The following LEKR1 variants were observed in gnomAD, a reference collection of about 807,000 sequenced individuals.
The protein encoded by LEKR1 is protein LEKR1.
Under a neutral mutation model 72.4 loss-of-function variants are expected in LEKR1, and 59 were observed. The observed-to-expected ratio is 0.82, with a 90% CI of 0.66 to 1.01. The LOEUF is 1.01. LEKR1 is among the 50% of genes least tolerant of loss of function. The pLI is 0.00. For missense variants in LEKR1, 728 were observed against 759.2 expected, an observed-to-expected ratio of 0.96 and a Z score of 0.48; for synonymous variants, 257 against 263.2, an observed-to-expected ratio of 0.98 and a Z score of 0.23.
intron 3 of LEKR1, among the ~76,000 whole-genome samples, chr3:156,879,036 A>G (rs1365056169): frequency 6.6e-6 from 1 of 152,204 alleles, no homozygotes; most frequent in East Asian, 1.9e-4. Flanking sequence ...AAATGGACTA[A>G]TACAGTAAAT....
At chr3:156,938,974 G>C (rs1725964562) in intron 5 of LEKR1, among the ~76,000 whole-genome samples, 1 of 152,184 alleles carries the variant, frequency 6.6e-6, no homozygotes, top group South Asian at 2.1e-4. Flanking sequence ...ACTTGCGTTA[G>C]CTAGTGAATT....
At chr3:157,045,042 A>T (rs1394369402) in intron 12 of LEKR1, among the ~76,000 whole-genome samples, 2 of 152,158 alleles carry the variant, frequency 1.3e-5, no homozygotes, top group Non-Finnish European at 2.9e-5. Flanking sequence ...CTGAGTTCTA[A>T]CTCCAGCCGC....
At chr3:157,026,774 T>C (rs966771791) in intron 11 of LEKR1, among the ~76,000 whole-genome samples, 5 of 152,202 alleles carry the variant, frequency 3.3e-5, no homozygotes, top group Non-Finnish European at 5.9e-5. Flanking sequence ...ATTTATAACA[T>C]GACAATAATT....
chr3:156,910,661 G>A (rs914300301), intron 3 of LEKR1, among the ~76,000 whole-genome samples: 1 of 152,120 alleles, frequency 6.6e-6, no homozygotes, highest in Non-Finnish European at 1.5e-5. Context: ...TGCTGCAAAG[G>A]ACATGACTTC....
chr3:156,982,130 A>G (rs1730254056), intron 7 of LEKR1, among the ~76,000 whole-genome samples: 1 of 152,228 alleles, frequency 6.6e-6, no homozygotes, highest in Non-Finnish European at 1.5e-5. Context: ...GAACGTTGTT[A>G]TGTATTTAAA....
At chr3:156,944,528 AC>A (rs1726513302) in intron 6 of LEKR1, among the ~76,000 whole-genome samples, 2 of 151,644 alleles carry the variant, frequency 1.3e-5, no homozygotes, top group African/African-American at 2.4e-5. Context: ...ATATATTTGT[AC>A]CCATTAACCA....
chr3:156,889,882 G>A (rs898422219), intron 3 of LEKR1, among the ~76,000 whole-genome samples: 2 of 152,184 alleles, frequency 1.3e-5, no homozygotes, highest in African/African-American at 4.8e-5. Flanking sequence ...AAAAATCAGA[G>A]CAAAGGATAG....
chr3:157,028,290 A>G lies in LEKR1; in HGVS notation c.1556A>G (p.Asp519Gly). 3 of 1,613,422 alleles carry G rather than the reference A, an allele frequency of 1.9e-6. No homozygotes were observed. The highest frequency in any genetic ancestry group is 2.5e-6 in the Non-Finnish European group (3 of 1,179,554). The change falls in exon 12 of 13, where the codon GAT (aspartate) becomes GGT (glycine). Residue 519 changes from aspartate (D) to glycine (G), a missense_variant. By Grantham distance (94) the Asp-to-Gly change is moderately conservative. Coordinates refer to ENST00000356539, the MANE Select transcript of LEKR1 (RefSeq NM_001004316.3). ...TTGAAGAAGGAAATTGACAGTAATGATTCAGTTTCAGAAAACTTGAGGAAG... is the reference window on the plus strand; with the variant it reads ...TTGAAGAAGGAAATTGACAGTAATGGTTCAGTTTCAGAAAACTTGAGGAAG... ...SRLKKEIDSN[D>G]SVSENLRKEM...
At chr3:156,927,828 G>A (rs1177900935) in intron 5 of LEKR1, among the ~76,000 whole-genome samples, 6 of 151,892 alleles carry the variant, frequency 4.0e-5, no homozygotes, top group African/African-American at 1.2e-4. Context: ...GTGGCCAGAA[G>A]TCTGTTCATT....
At chr3:156,851,441 T>C (rs1442961849) in intron 2 of LEKR1, among the ~76,000 whole-genome samples, 1 of 152,182 alleles carries the variant, frequency 6.6e-6, no homozygotes, top group African/African-American at 2.4e-5. Context: ...ATTTGGGATG[T>C]TAAAATAAAG....
intron 9 of LEKR1, among the ~76,000 whole-genome samples, chr3:157,010,915 C>A (rs1458194044): frequency 6.6e-6 from 1 of 151,974 alleles, no homozygotes; most frequent in East Asian, 1.9e-4. Context: ...TTGGTTTGTT[C>A]CTATCAATAT....
intron 7 of LEKR1, among the ~76,000 whole-genome samples, chr3:156,986,956 G>A (rs1260677939): frequency 6.6e-6 from 1 of 152,086 alleles, no homozygotes; most frequent in African/African-American, 2.4e-5. Context: ...TTTAAGAATG[G>A]CTGTTCCATA....
chr3:156,867,131 G>A (rs1369851144), intron 3 of LEKR1, among the ~76,000 whole-genome samples: 1 of 152,066 alleles, frequency 6.6e-6, no homozygotes, highest in East Asian at 1.9e-4. Context: ...AATAAAGGAT[G>A]TATCTTGGCA....
intron 9 of LEKR1, among the ~76,000 whole-genome samples, chr3:157,011,187 C>T (rs1373388289): frequency 2.6e-5 from 4 of 152,026 alleles, no homozygotes; most frequent in Admixed American, 6.6e-5. Context: ...TATCTTATTA[C>T]TTATTAAGCA....
Position 156,992,673 on chromosome 3 carries a change from A to G in LEKR1, c.848A>G (p.Asp283Gly), listed in dbSNP as rs1314164044. ...TTTAGGAATAAATCTAATGAAGCTG[A>G]TGACTGTCAAAGAGAACTTAAAAAA... ...EMLMNKSNEA[D>G]DCQRELKKLK... Residue 283 changes from aspartate (D) to glycine (G), a missense_variant, in exon 8 of 13, where the codon GAT becomes GGT. Transcript: ENST00000356539. 3 of 979,572 alleles carry G rather than the reference A, an allele frequency of 3.1e-6. No homozygotes were observed. In the East Asian group the frequency reaches 2.5e-4, roughly 81 times the overall value. The allele number at this position is 979,572 out of a possible 1,614,324, so 60.7% of individuals were successfully genotyped here. A position where few individuals can be genotyped will look rare whatever the true frequency, so the allele number is the denominator to read the frequency against.
intron 2 of LEKR1, among the ~76,000 whole-genome samples, chr3:156,840,946 A>C (rs1713826596): frequency 6.6e-6 from 1 of 152,210 alleles, no homozygotes; most frequent in Non-Finnish European, 1.5e-5. Flanking sequence ...GGTATGGTGG[A>C]AAATAAAAGA....
chr3:156,889,635 A>C (rs1156563532), intron 3 of LEKR1, among the ~76,000 whole-genome samples: 1 of 152,228 alleles, frequency 6.6e-6, no homozygotes, highest in Non-Finnish European at 1.5e-5. Context: ...GACTTAAAAA[A>C]AACATATATT....
chr3:156,835,615 C>G (rs1416310462), intron 2 of LEKR1, among the ~76,000 whole-genome samples: 1 of 152,154 alleles, frequency 6.6e-6, no homozygotes, highest in Non-Finnish European at 1.5e-5. Flanking sequence ...CCATACTTTC[C>G]GGGTCCCCAA....
chr3:156,831,644 A>G (rs550341014), intron 2 of LEKR1, among the ~76,000 whole-genome samples: 1 of 152,228 alleles, frequency 6.6e-6, no homozygotes, highest in Non-Finnish European at 1.5e-5. Flanking sequence ...CAGGCAACAC[A>G]GAACTTGTGC....
Sources: gnomAD v4.1 joint callset for allele counts (sites outside exome capture counted in the v4.1 genomes callset) on GRCh38, gnomAD v4.1.1 for gene constraint, MANE v1.5 for transcripts, NCBI Gene and HGNC (gene_info 2026-07-23, HGNC 2026-07-21) for gene names.